SLC33A2: variants seen among roughly 807,000 people sequenced by gnomAD.
SLC33A2 encodes major facilitator superfamily domain containing 3.
At chr8:144,510,041 C>T in the SLC33A2 span, 19 of 1,581,410 alleles carry the variant, frequency 1.2e-5, no homozygotes, top group Non-Finnish European at 1.6e-5. Context: ...AGCCAGGCAA[C>T]AGCAGTTGGG....
At chr8:144,509,816 C>T in the SLC33A2 span, 28 of 1,540,006 alleles carry the variant, frequency 1.8e-5, no homozygotes, top group Middle Eastern at 1.7e-4. Flanking sequence ...TGCCCACCTT[C>T]TCGTGGCCGC....
the SLC33A2 span, chr8:144,509,237 C>A: frequency 8.0e-7 from 1 of 1,250,758 alleles, no homozygotes; most frequent in Non-Finnish European, 1.1e-6. Context: ...CAAAGCCATG[C>A]CGGGGTGTGG....
the SLC33A2 span, chr8:144,510,049 G>C: frequency 1.3e-6 from 2 of 1,572,440 alleles, no homozygotes; most frequent in East Asian, 4.6e-5. Context: ...AACAGCAGTT[G>C]GGGCTTCCGG....
chr8:144,510,240 C>A, the SLC33A2 span: 4 of 1,474,684 alleles, frequency 2.7e-6, no homozygotes, highest in Non-Finnish European at 3.6e-6. Context: ...ACTTCTCCCC[C>A]AGTATCTGCA....
chr8:144,510,924 C>T, the SLC33A2 span: 1 of 1,601,704 alleles, frequency 6.2e-7, no homozygotes, highest in Non-Finnish European at 8.5e-7. Flanking sequence ...GTAGCAGGGA[C>T]ACAAGAGAGA....
the SLC33A2 span, chr8:144,510,294 G>A: frequency 3.1e-6 from 5 of 1,594,278 alleles, no homozygotes; most frequent in Non-Finnish European, 3.4e-6. Flanking sequence ...GAGGGCCCAG[G>A]TGGGGAGAAG....
chr8:144,510,316 C>A, the SLC33A2 span: 1 of 1,605,238 alleles, frequency 6.2e-7, no homozygotes, highest in East Asian at 2.2e-5. Context: ...GAGGTGGGGG[C>A]AGATATGGAA....
the SLC33A2 span, chr8:144,510,033 C>G: frequency 6.3e-7 from 1 of 1,585,600 alleles, no homozygotes; most frequent in Non-Finnish European, 8.5e-7. Context: ...AGGCCTCGAG[C>G]CAGGCAACAG....
At chr8:144,509,945 C>T in the SLC33A2 span, 1 of 1,593,028 alleles carries the variant, frequency 6.3e-7, no homozygotes, top group Non-Finnish European at 8.5e-7. Context: ...ACACCGCGCA[C>T]CTTCTGCGGG....
At chr8:144,510,494 C>A in the SLC33A2 span, 1 of 1,612,636 alleles carries the variant, frequency 6.2e-7, no homozygotes, top group South Asian at 1.1e-5. Context: ...TGGGACCTTG[C>A]TGGCCAAGCA....
the SLC33A2 span, chr8:144,509,468 T>A: frequency 6.5e-7 from 1 of 1,536,600 alleles, no homozygotes; most frequent in Non-Finnish European, 8.7e-7. Flanking sequence ...TGGCCAAGGT[T>A]CTGTACGCTC....
the SLC33A2 span, chr8:144,510,728 G>T: frequency 1.0e-4 from 167 of 1,596,186 alleles, no homozygotes; most frequent in East Asian, 2.4e-3. Flanking sequence ...GAGAGGTGAG[G>T]GGCTGGCCTT....
chr8:144,509,942 G>A, the SLC33A2 span: 2 of 1,591,348 alleles, frequency 1.3e-6, no homozygotes, highest in South Asian at 1.1e-5. Flanking sequence ...CCCACACCGC[G>A]CACCTTCTGC....
At chr8:144,510,314 G>A in the SLC33A2 span, 17 of 1,604,888 alleles carry the variant, frequency 1.1e-5, no homozygotes, top group South Asian at 1.9e-4. Flanking sequence ...GGGAGGTGGG[G>A]GCAGATATGG....
At chr8:144,509,969 G>T in the SLC33A2 span, 3 of 1,596,184 alleles carry the variant, frequency 1.9e-6, no homozygotes, top group South Asian at 1.1e-5. Context: ...TGCTAGCCGT[G>T]CCGGGGACCG....
the SLC33A2 span, chr8:144,509,098 C>A: frequency 6.8e-6 from 3 of 443,228 alleles, no homozygotes; most frequent in East Asian, 7.2e-5. Context: ...CGCCGGCCGC[C>A]GGTGTCCGGA....
the SLC33A2 span, chr8:144,509,904 C>T: frequency 6.4e-7 from 1 of 1,554,396 alleles, no homozygotes; most frequent in Non-Finnish European, 8.6e-7. Context: ...GCGGCGGCTC[C>T]CACAGCAGCC....
At chr8:144,511,025 TGCTGGGGAA>T in the SLC33A2 span, 3 of 1,603,412 alleles carry the variant, frequency 1.9e-6, no homozygotes, top group Non-Finnish European at 2.5e-6. Context: ...ACGCTGGAGC[TGCTGGGGAA>T]GCTGCTGCTG....
the SLC33A2 span, chr8:144,510,811 CTA>C: frequency 6.2e-7 from 1 of 1,611,576 alleles, no homozygotes; most frequent in African/African-American, 1.3e-5. Flanking sequence ...CTTGCTGAGC[CTA>C]TGTCTGCAGC....
Sources: gnomAD v4.1 joint callset for allele counts on GRCh38, gnomAD v4.1.1 for gene constraint, MANE v1.5 for transcripts, NCBI Gene and HGNC (gene_info 2026-07-23, HGNC 2026-07-21) for gene names.